GABRB1: variants seen among roughly 807,000 people sequenced by gnomAD.
GABRB1 encodes gamma-aminobutyric acid receptor subunit beta-1.
GABRB1 carries 17 observed loss-of-function variants against 51.6 expected under a neutral mutation model. That is an observed-to-expected ratio of 0.33 (90% CI 0.23 to 0.49). GABRB1 has a LOEUF of 0.49. Ranked by LOEUF, GABRB1 falls within the 20% of genes least tolerant of loss-of-function variation. The probability of loss-of-function intolerance (pLI) is 0.99; values close to 1 mark genes in which losing one functional copy is unlikely to be tolerated. For synonymous variants in GABRB1, 247 were observed against 218.9 expected (o/e 1.13, Z -1.14); for missense variants, 410 against 600.6 (o/e 0.68, Z 3.32).
intron 3 of GABRB1, among the ~76,000 whole-genome samples, chr4:47,151,356 CA>C (rs1195062777): frequency 6.6e-6 from 1 of 152,038 alleles, no homozygotes; most frequent in Admixed American, 6.6e-5. Flanking sequence ...GTACTTATTA[CA>C]AAATCACAAA....
chr4:47,024,699 T>C (rs1725032785), intron 1 of GABRB1, among the ~76,000 whole-genome samples: 1 of 151,602 alleles, frequency 6.6e-6, no homozygotes, highest in Non-Finnish European at 1.5e-5. Flanking sequence ...AACCCATTTG[T>C]AGTCTTTTAT....
chr4:47,116,289 C>T (rs1358963369), intron 3 of GABRB1, among the ~76,000 whole-genome samples: 2 of 152,076 alleles, frequency 1.3e-5, no homozygotes, highest in South Asian at 2.1e-4. Flanking sequence ...CATTCCTAGC[C>T]TAAGACATTC....
Position 47,161,340 on chromosome 4 carries a change from G to A in GABRB1, c.332G>A (p.Arg111Lys). The A allele has an allele frequency of 6.2e-7, 1 of 1,612,478 alleles. No individual in the cohort carries two copies. The highest frequency in any genetic ancestry group is 8.5e-7 in the Non-Finnish European group (1 of 1,179,158). The change falls in exon 4 of 9, where the codon AGG (arginine) becomes AAG (lysine). Residue 111 changes from arginine to lysine, a missense_variant. Arg to Lys is a conservative substitution (Grantham distance 26). Around this residue, in one of 5 missense-constraint regions of GABRB1, gnomAD observed 100 missense variants for 184.3 expected, o/e 0.54. Transcript: ENST00000295454. Reference protein sequence around the residue: ...GIPLNLTLDNRVADQLWVPDT... With the variant: ...GIPLNLTLDNKVADQLWVPDT... ...CCACTGAACCTCACCCTAGACAATAGGGTAGCTGACCAACTCTGGGTACCA... is the reference window on the plus strand; with the variant it reads ...CCACTGAACCTCACCCTAGACAATAAGGTAGCTGACCAACTCTGGGTACCA...
intron 5 of GABRB1, among the ~76,000 whole-genome samples, chr4:47,374,839 A>T (rs1167882068): frequency 6.6e-6 from 1 of 152,222 alleles, no homozygotes; most frequent in Non-Finnish European, 1.5e-5. Flanking sequence ...CCATGGTAGG[A>T]AAAGAAGCCA....
chr4:47,254,260 C>T (rs1261772881), intron 4 of GABRB1, among the ~76,000 whole-genome samples: 1 of 151,770 alleles, frequency 6.6e-6, no homozygotes, highest in Non-Finnish European at 1.5e-5. Context: ...CCTGATACCC[C>T]TGTCCCCACC....
intron 3 of GABRB1, among the ~76,000 whole-genome samples, chr4:47,112,731 C>T (rs773059384): frequency 3.3e-5 from 5 of 150,842 alleles, no homozygotes; most frequent in Admixed American, 6.7e-5. Context: ...TTGTGTCAAG[C>T]ACTGTATTAA....
At chr4:47,224,722 T>G (rs1296925445) in intron 4 of GABRB1, among the ~76,000 whole-genome samples, 2 of 152,130 alleles carry the variant, frequency 1.3e-5, no homozygotes, top group Non-Finnish European at 2.9e-5. Context: ...CAGAGGAGGC[T>G]AACTAAAGTT....
intron 4 of GABRB1, among the ~76,000 whole-genome samples, chr4:47,308,620 T>A (rs1419224101): frequency 6.6e-6 from 1 of 152,102 alleles, no homozygotes; most frequent in Non-Finnish European, 1.5e-5. Context: ...CTGCTCTTTG[T>A]TCTAGGAAAG....
intron 5 of GABRB1, among the ~76,000 whole-genome samples, chr4:47,386,731 G>T (rs193131066): frequency 6.6e-6 from 1 of 151,924 alleles, no homozygotes; most frequent in East Asian, 1.9e-4. Context: ...GTCCAAGAAG[G>T]AAGGAAAAAA....
chr4:47,033,311 G>A (rs573449256), intron 3 of GABRB1, among the ~76,000 whole-genome samples: 318 of 152,222 alleles, frequency 2.1e-3, no homozygotes, highest in Non-Finnish European at 3.8e-3. Context: ...CTTTTTGGAA[G>A]CTATTGCAAA....
At chr4:47,342,946 A>G (rs1024346588) in intron 5 of GABRB1, among the ~76,000 whole-genome samples, 2 of 152,100 alleles carry the variant, frequency 1.3e-5, no homozygotes, top group African/African-American at 2.4e-5. Context: ...ACAGACCTCA[A>G]TGCTGTCATA....
intron 4 of GABRB1, among the ~76,000 whole-genome samples, chr4:47,215,185 G>T (rs144621878): frequency 6.6e-6 from 1 of 151,854 alleles, no homozygotes; most frequent in Non-Finnish European, 1.5e-5. Context: ...CACAATAATG[G>T]GTGCTATTTA....
chr4:47,352,708 T>C (rs1390082513), intron 5 of GABRB1, among the ~76,000 whole-genome samples: 1 of 152,202 alleles, frequency 6.6e-6, no homozygotes, highest in Non-Finnish European at 1.5e-5. Context: ...TGTTACATTC[T>C]AATTTACCTA....
intron 4 of GABRB1, among the ~76,000 whole-genome samples, chr4:47,316,186 T>C (rs1724881897): frequency 6.6e-6 from 1 of 151,890 alleles, no homozygotes; most frequent in Non-Finnish European, 1.5e-5. Context: ...TTACTACATT[T>C]AAATGTATAG....
intron 3 of GABRB1, 34 bp from the exon 4 acceptor site, chr4:47,161,215 T>C: frequency 2.9e-6 from 4 of 1,364,352 alleles, no homozygotes; most frequent in Non-Finnish European, 2.0e-6. Flanking sequence ...GATAGTAAAA[T>C]TCTTTTTTTT....
At chr4:47,002,110 TTCAG>T (rs1477583257) in intron 1 of GABRB1, among the ~76,000 whole-genome samples, 3 of 152,238 alleles carry the variant, frequency 2.0e-5, no homozygotes. Context: ...CTTTTGACTT[TTCAG>T]TCAAACAATG....
intron 4 of GABRB1, among the ~76,000 whole-genome samples, chr4:47,170,171 C>CT (rs1307595619): frequency 6.6e-6 from 1 of 152,092 alleles, no homozygotes; most frequent in Non-Finnish European, 1.5e-5. Flanking sequence ...ATTTGTTTAC[C>CT]TGGCTCTATT....
At chr4:47,318,541 T>C (rs943153690) in intron 4 of GABRB1, among the ~76,000 whole-genome samples, 7 of 152,062 alleles carry the variant, frequency 4.6e-5, no homozygotes, top group African/African-American at 1.7e-4. Flanking sequence ...GAAACTCTGG[T>C]CCACTTACAT....
At chr4:47,165,263 A>G (rs562239722) in intron 4 of GABRB1, among the ~76,000 whole-genome samples, 4 of 151,872 alleles carry the variant, frequency 2.6e-5, no homozygotes, top group African/African-American at 9.6e-5. Context: ...TCTGCATGTA[A>G]TCTTCTTGGT....
Sources: allele counts gnomAD v4.1 joint callset (sites outside exome capture counted in the v4.1 genomes callset), GRCh38; gene constraint gnomAD v4.1.1; regional missense constraint gnomAD v4.1.1; transcripts MANE v1.5; gene names NCBI Gene and HGNC (gene_info 2026-07-23, HGNC 2026-07-21).